SAMD9L: variants seen among roughly 807,000 people sequenced by gnomAD.
The protein encoded by SAMD9L is sterile alpha motif domain containing 9 like.
In SAMD9L, 68 loss-of-function variants were observed where a neutral mutation model predicts 90.7. The ratio of observed to expected loss-of-function variants is 0.75; its 90% CI spans 0.62 to 0.92. SAMD9L has a LOEUF of 0.92. Ranked by LOEUF, SAMD9L falls within the 40% of genes least tolerant of loss-of-function variation. The pLI, the probability that SAMD9L is intolerant of heterozygous loss-of-function variation, is 0.00. For synonymous variants in SAMD9L, 640 were observed against 630.1 expected (o/e 1.02, Z -0.23); for missense variants, 1,604 against 1,824.3 (o/e 0.88, Z 2.20).
rs944502286 is a variant in SAMD9L, at chr7:93,133,827, A to G, written c.2145T>C (p.Tyr715=). The G allele has an allele frequency of 3.1e-6, 5 of 1,613,482 alleles. No homozygotes were observed. Among genetic ancestry groups the G allele is most frequent in the African/African-American group, 2.7e-5 (2 of 74,970 alleles). Residue 715 remains tyrosine, a synonymous_variant, in exon 5 of 5, where the codon TAT becomes TAC. Coordinates refer to ENST00000318238, the MANE Select transcript of SAMD9L (RefSeq NM_152703.5). ...YSSDFVKRDS[Y]EKLKDLIHCW... ...AGTGTATTAAATCTTTAAGCTTTTC[A>G]TAACTGTCCCTTTTAACAAAATCTG...
rs923105883 is a variant in SAMD9L, at chr7:93,131,055, T to A, written c.*162A>T. The A allele has an allele frequency of 1.5e-5, 8 of 516,204 alleles. No individual in the cohort carries two copies. The highest frequency in any genetic ancestry group is 3.7e-5 in the Admixed American group (1 of 27,004). The allele number at this position is 516,204 out of a possible 1,614,324, so 32.0% of individuals were successfully genotyped here. A position where few individuals can be genotyped will look rare whatever the true frequency, so the allele number is the denominator to read the frequency against. On this transcript the variant is annotated 3_prime_UTR_variant, in exon 5 of 5. Coordinates refer to ENST00000318238, the MANE Select transcript of SAMD9L (RefSeq NM_152703.5). ...GTGCCAAGCTCTGCGGGTAGGCATA[T>A]TTCATATCTTAAAAAGGCTTGTAAT... is the stretch of plus-strand genomic sequence containing the variant.
rs151304501 is a variant in SAMD9L at position 93,134,407 on chromosome 7, G to C, written c.1565C>G (p.Ala522Gly). The change falls in exon 5 of 5, where the codon GCT (alanine) becomes GGT (glycine). Residue 522 changes from alanine (A) to glycine (G), a missense_variant. Physicochemically the swap from Ala to Gly is moderately conservative, Grantham distance 60. This residue lies in a region of SAMD9L where 606 missense variants were observed against 717.6 expected (regional missense o/e 0.84). Coordinates refer to ENST00000318238, the MANE Select transcript of SAMD9L (RefSeq NM_152703.5). Reference sequence around the variant, plus strand: ...TAAAATTAGTTTCCTGACTTCTGAAGCTCTTTCTCTCTGCCATAAATGTGG... The same window carrying C: ...TAAAATTAGTTTCCTGACTTCTGAACCTCTTTCTCTCTGCCATAAATGTGG... ...LEPHLWQRERASEVRKLILFL... is the reference protein window; with the variant it reads ...LEPHLWQRERGSEVRKLILFL... 1 of 1,613,258 alleles carries C rather than the reference G, an allele frequency of 6.2e-7. No individual in the cohort carries two copies. The highest frequency in any genetic ancestry group is 8.5e-7 in the Non-Finnish European group (1 of 1,179,658).
chr7:93,140,852 T>C (rs1277036039), intron 4 of SAMD9L, among the ~76,000 whole-genome samples: 1 of 152,250 alleles, frequency 6.6e-6, no homozygotes, highest in Non-Finnish European at 1.5e-5. Context: ...GCTTCTTCAG[T>C]CTTTCCTCAT....
At chr7:93,139,488 A>G (rs1300069503) in intron 4 of SAMD9L, among the ~76,000 whole-genome samples, 1 of 152,124 alleles carries the variant, frequency 6.6e-6, no homozygotes, top group African/African-American at 2.4e-5. Flanking sequence ...TTGCTTACAC[A>G]CCGGGAGAAC....
chr7:93,134,110 A>T lies in SAMD9L; in HGVS notation c.1862T>A (p.Ile621Asn). The change falls in exon 5 of 5, where the codon ATC (isoleucine) becomes AAC (asparagine). Residue 621 changes from isoleucine to asparagine, a missense_variant. By Grantham distance (149) the Ile-to-Asn change is moderately radical (BLOSUM62 -3). Transcript: ENST00000318238. ...TLNIELVNSTILKLKSVTRSS... is the reference protein window; with the variant it reads ...TLNIELVNSTNLKLKSVTRSS... Reference sequence around the variant, plus strand: ...CCGAGTCACCGATTTTAGTTTAAGGATAGTGCTGTTTACCAGTTCTATATT... The same window carrying T: ...CCGAGTCACCGATTTTAGTTTAAGGTTAGTGCTGTTTACCAGTTCTATATT... 6.2e-7 allele frequency: 1 copy of T among 1,613,968 alleles called. No homozygotes were observed. The highest frequency in any genetic ancestry group is 8.5e-7 in the Non-Finnish European group (1 of 1,179,884).
rs761428673 is a variant in SAMD9L, at chr7:93,135,283, T to C, written c.689A>G (p.Asn230Ser). ...ATGGATGGTGCCATTGGTGCGTGAA[T>C]TCATACAAGCTGATGCAAATCGGAA... is the stretch of plus-strand genomic sequence containing the variant. The part of the protein sequence containing the change: ...EVFRFASACM[N>S]SRTNGTIHFG... Residue 230 changes from asparagine (N) to serine (S), a missense_variant, in exon 5 of 5, where the codon AAT becomes AGT. This residue lies in a region of SAMD9L where 374 missense variants were observed against 363.6 expected (regional missense o/e 1.03). Coordinates refer to ENST00000318238, the MANE Select transcript of SAMD9L (RefSeq NM_152703.5). 3.1e-6 allele frequency: 5 copies of C among 1,614,154 alleles called. No individual in the cohort carries two copies. Among genetic ancestry groups the C allele is most frequent in the Non-Finnish European group, 3.4e-6 (4 of 1,179,994 alleles).
chr7:93,147,614 C>T (rs536310035), intron 1 of SAMD9L, among the ~76,000 whole-genome samples: 1 of 152,248 alleles, frequency 6.6e-6, no homozygotes, highest in African/African-American at 2.4e-5. Flanking sequence ...CTACCCACAC[C>T]CTCCTTGCAT....
intron 4 of SAMD9L, 28 bp from the exon 5 acceptor site, chr7:93,136,019 T>C: frequency 7.1e-7 from 1 of 1,408,520 alleles, no homozygotes; most frequent in Non-Finnish European, 9.5e-7. Flanking sequence ...AATAAGTATT[T>C]TAGAATTATA....
rs1792219204 is a variant in SAMD9L, at chr7:93,133,144, T to G, written c.2828A>C (p.Glu943Ala). ...TDSTISVSQC[E>A]IFLGIIYTST... The stretch of plus-strand genomic sequence containing the variant: ...AGTGTATATGATTCCCAAAAATATT[T>G]CACACTGTGAAACTGAAATTGTAGA... The change falls in exon 5 of 5, where the codon GAA becomes GCA. Residue 943 changes from glutamate to alanine, a missense_variant. By Grantham distance (107) the Glu-to-Ala change is moderately radical. Transcript: ENST00000318238. The G allele has an allele frequency of 4.3e-6, 7 of 1,613,242 alleles. No individual in the cohort carries two copies. The highest frequency in any genetic ancestry group is 1.7e-5 in the Admixed American group (1 of 59,852).
intron 4 of SAMD9L, among the ~76,000 whole-genome samples, chr7:93,143,928 A>G (rs577996582): frequency 6.6e-6 from 1 of 152,228 alleles, no homozygotes; most frequent in Non-Finnish European, 1.5e-5. Flanking sequence ...GACTGCAGGC[A>G]TAGTTTTAAA....
In SAMD9L at chr7:93,138,859, G is replaced by A. The variant is rs532938161; in HGVS notation, c.-20-2868C>T. ...CCTAAGTGTCATCTCAGGTAAGACCGACAGAGGGGCCCTGCCTCACCTTTT... is the reference window on the plus strand; with the variant it reads ...CCTAAGTGTCATCTCAGGTAAGACCAACAGAGGGGCCCTGCCTCACCTTTT... On this transcript the variant is annotated intron_variant, in intron 4 of 4. Coordinates refer to ENST00000318238, the MANE Select transcript of SAMD9L (RefSeq NM_152703.5). Among the ~76,000 whole-genome samples the A allele has an allele frequency of 3.3e-5, 5 of 152,204 alleles. No homozygotes were observed. The South Asian group carries it at 6.2e-4, about 19-fold the overall frequency.
Position 93,132,549 on chromosome 7 carries a change from A to G in SAMD9L, c.3423T>C (p.Cys1141=), listed in dbSNP as rs1180526564. 4 of 1,613,884 alleles carry G rather than the reference A, an allele frequency of 2.5e-6. No individual in the cohort carries two copies. The highest frequency in any genetic ancestry group is 2.7e-5 in the African/African-American group (2 of 75,024). The change falls in exon 5 of 5, where the codon TGT becomes TGC. Residue 1141 remains cysteine (C), a synonymous_variant. Transcript: ENST00000318238. ...TTAGGTCATTAACAGTAATGCTCCT[A>G]CAGTTTTTGTTCCCATCCAACCACC... ...IKWWLDGNKN[C]RSITVNDLTH...
chr7:93,134,945 C>G lies in SAMD9L; in HGVS notation c.1027G>C (p.Val343Leu), dbSNP rs1042068210. Residue 343 changes from valine to leucine, a missense_variant, in exon 5 of 5, where the codon GTA becomes CTA. Physicochemically the swap from Val to Leu is conservative, Grantham distance 32. Coordinates refer to ENST00000318238, the MANE Select transcript of SAMD9L (RefSeq NM_152703.5). ...TCCCTAGAGCTAGCCCCTTCTCTTACAAACAGTGAAAGATTTTGGTTTTGT... is the reference window on the plus strand; with the variant it reads ...TCCCTAGAGCTAGCCCCTTCTCTTAGAAACAGTGAAAGATTTTGGTTTTGT... ...WKQNQNLSLF[V>L]REGASSRDIL... 1.2e-6 allele frequency: 2 copies of G among 1,613,776 alleles called. No individual in the cohort carries two copies. The highest frequency in any genetic ancestry group is 1.1e-5 in the South Asian group (1 of 91,078).
Position 93,131,168 on chromosome 7 carries a change from A to G in SAMD9L, c.*49T>C. 9.0e-7 allele frequency: 1 copy of G among 1,116,944 alleles called. No homozygotes were observed. The highest frequency in any genetic ancestry group is 1.3e-6 in the Non-Finnish European group (1 of 793,556). The allele number at this position is 1,116,944 out of a possible 1,614,324, so 69.2% of individuals were successfully genotyped here. A position where few individuals can be genotyped will look rare whatever the true frequency, so the allele number is the denominator to read the frequency against. The stretch of plus-strand genomic sequence containing the variant: ...CATGAGAATAGAGAGAGAGAATAAA[A>G]TCATAAAGATATAAATAAACGTATT... On this transcript the variant is annotated 3_prime_UTR_variant, in exon 5 of 5. Coordinates refer to ENST00000318238, the MANE Select transcript of SAMD9L (RefSeq NM_152703.5).
intron 2 of SAMD9L, among the ~76,000 whole-genome samples, chr7:93,146,598 A>G (rs1214153804): frequency 2.0e-5 from 3 of 152,196 alleles, no homozygotes; most frequent in African/African-American, 7.2e-5. Flanking sequence ...TTCTTAGAGT[A>G]GTTAAAAGTA....
chr7:93,139,239 T>C (rs1047014091), intron 4 of SAMD9L, among the ~76,000 whole-genome samples: 12 of 152,192 alleles, frequency 7.9e-5, no homozygotes, highest in Admixed American at 7.9e-4. Context: ...GACTTTTATC[T>C]TGACATCAAC....
chr7:93,136,394 G>A (rs1003209115), intron 4 of SAMD9L, among the ~76,000 whole-genome samples: 3 of 152,212 alleles, frequency 2.0e-5, no homozygotes, highest in Middle Eastern at 3.2e-3. Context: ...ATAGGTAGAA[G>A]TGGGTTGAGG....
intron 2 of SAMD9L, among the ~76,000 whole-genome samples, 200 bp from the exon 3 acceptor site, chr7:93,146,240 C>T (rs1792886149): frequency 6.6e-6 from 1 of 152,190 alleles, no homozygotes; most frequent in East Asian, 1.9e-4. Flanking sequence ...AGCCACTACA[C>T]TTGTTTTCCC....
chr7:93,143,879 AC>A, intron 4 of SAMD9L, among the ~76,000 whole-genome samples: 2 of 152,248 alleles, frequency 1.3e-5, no homozygotes, highest in Middle Eastern at 6.8e-3. Flanking sequence ...CTTTGACATA[AC>A]CCTTTGGCTC....
Sources: allele counts gnomAD v4.1 joint callset (sites outside exome capture counted in the v4.1 genomes callset), GRCh38; gene constraint gnomAD v4.1.1; regional missense constraint gnomAD v4.1.1; transcripts MANE v1.5; gene names NCBI Gene and HGNC (gene_info 2026-07-23, HGNC 2026-07-21).